DOK5: variants seen among roughly 807,000 people sequenced by gnomAD.
The protein encoded by DOK5 is downstream of tyrosine kinase 5.
DOK5 carries 27 observed loss-of-function variants against 43.3 expected under a neutral mutation model. The observed-to-expected ratio is 0.62, with a 90% CI of 0.46 to 0.86. The LOEUF is 0.86. Among genes scored for constraint, DOK5 ranks in the 40% least tolerant of loss-of-function variants. DOK5 has a pLI of 0.00. For missense variants in DOK5, 373 were observed against 392.9 expected, an observed-to-expected ratio of 0.95 and a Z score of 0.43; for synonymous variants, 146 against 140.1, an observed-to-expected ratio of 1.04 and a Z score of -0.30.
intron 2 of DOK5, among the ~76,000 whole-genome samples, chr20:54,579,902 G>A (rs1985582391): frequency 6.6e-6 from 1 of 151,962 alleles, no homozygotes; most frequent in African/African-American, 2.4e-5. Context: ...CCTACCTTAG[G>A]TATTTCTCCT....
chr20:54,586,007 C>T (rs995344566), intron 2 of DOK5, among the ~76,000 whole-genome samples: 9 of 152,056 alleles, frequency 5.9e-5, no homozygotes, highest in South Asian at 4.2e-4. Context: ...GCCTGTAATT[C>T]CAGCTACTCG....
chr20:54,638,828 G>A (rs1013624002), intron 6 of DOK5, among the ~76,000 whole-genome samples: 72 of 143,984 alleles, frequency 5.0e-4, no homozygotes, highest in Non-Finnish European at 3.6e-4. Flanking sequence ...ATCTCAGCTC[G>A]CTGCCACCAT....
intron 7 of DOK5, among the ~76,000 whole-genome samples, chr20:54,648,518 G>A (rs1036999443): frequency 6.6e-6 from 1 of 152,146 alleles, no homozygotes; most frequent in Non-Finnish European, 1.5e-5. Context: ...TCTAAAAGAG[G>A]CAGCCATACC....
At chr20:54,493,027 C>T (rs1182383775) in intron 1 of DOK5, among the ~76,000 whole-genome samples, 3 of 144,926 alleles carry the variant, frequency 2.1e-5, no homozygotes, top group Non-Finnish European at 3.0e-5. Context: ...TGCACTCCAG[C>T]CTGGGCAACA....
rs375666981 is a variant in DOK5, at chr20:54,616,873, C to T, written c.735+6350C>T. Among the ~76,000 whole-genome samples, 23 of 150,642 alleles carry T rather than the reference C, an allele frequency of 1.5e-4. 1 individual carries two copies. In the South Asian group the frequency reaches 2.1e-3, roughly 14 times the overall value. ...CGCTATCTCGGCTCACTGCACGCTC[C>T]GCCTCCTGAGTTCACCCACCATTCT... On this transcript the variant is annotated intron_variant, in intron 6 of 7. Coordinates refer to ENST00000262593, the MANE Select transcript of DOK5 (RefSeq NM_018431.5).
chr20:54,520,129 C>G (rs998057950), intron 1 of DOK5, among the ~76,000 whole-genome samples: 7 of 152,148 alleles, frequency 4.6e-5, no homozygotes, highest in African/African-American at 1.7e-4. Flanking sequence ...CAGTAGAACA[C>G]TCCTAATCCT....
At chr20:54,641,734 C>G (rs1032658878) in intron 6 of DOK5, among the ~76,000 whole-genome samples, 1 of 152,114 alleles carries the variant, frequency 6.6e-6, no homozygotes, top group African/African-American at 2.4e-5. Flanking sequence ...AGGTCTGTAA[C>G]CCCCTGTGTC....
chr20:54,588,415 C>A, intron 2 of DOK5, 68 bp from the exon 3 acceptor site: 1 of 1,340,400 alleles, frequency 7.5e-7, no homozygotes, highest in Non-Finnish European at 1.1e-6. Flanking sequence ...CCGGGCCTCA[C>A]CTTTGGTGTT....
chr20:54,529,783 G>T (rs1239442960), intron 1 of DOK5, among the ~76,000 whole-genome samples: 1 of 152,078 alleles, frequency 6.6e-6, no homozygotes, highest in Non-Finnish European at 1.5e-5. Context: ...TCATGCATTG[G>T]CTTCTTTTGG....
chr20:54,640,974 C>T (rs776230194), intron 6 of DOK5, among the ~76,000 whole-genome samples: 8 of 151,920 alleles, frequency 5.3e-5, no homozygotes, highest in Non-Finnish European at 1.0e-4. Flanking sequence ...GAGAAGCTGA[C>T]GAGGTGAGGG....
intron 6 of DOK5, among the ~76,000 whole-genome samples, chr20:54,615,673 A>T (rs184126677): frequency 1.1e-3 from 173 of 152,270 alleles, no homozygotes; most frequent in Non-Finnish European, 2.2e-3. Flanking sequence ...ACACTTTGGG[A>T]GGCCGAGGTG....
At chr20:54,626,760 C>T (rs115194179) in intron 6 of DOK5, among the ~76,000 whole-genome samples, 1,590 of 152,232 alleles carry the variant, frequency 0.01, 13 homozygotes, top group Middle Eastern at 0.024. Flanking sequence ...TCACAACACA[C>T]GACTAACCCC....
chr20:54,529,732 C>T (rs539121427), intron 1 of DOK5, among the ~76,000 whole-genome samples: 2 of 152,290 alleles, frequency 1.3e-5, no homozygotes, highest in African/African-American at 4.8e-5. Flanking sequence ...CTCATTTTCC[C>T]TTCCATCAAT....
At chr20:54,538,031 G>A (rs758687409) in intron 1 of DOK5, among the ~76,000 whole-genome samples, 17 of 151,492 alleles carry the variant, frequency 1.1e-4, no homozygotes, top group Non-Finnish European at 2.4e-4. Flanking sequence ...TAGAGACGGG[G>A]TTTCACCATG....
intron 1 of DOK5, among the ~76,000 whole-genome samples, chr20:54,536,308 C>T (rs1008574389): frequency 6.6e-6 from 1 of 152,120 alleles, no homozygotes; most frequent in Admixed American, 6.5e-5. Context: ...ATAATCTTTG[C>T]TTTGTGACTT....
At chr20:54,631,048 A>G (rs1027964826) in intron 6 of DOK5, among the ~76,000 whole-genome samples, 3 of 152,204 alleles carry the variant, frequency 2.0e-5, no homozygotes, top group African/African-American at 7.2e-5. Context: ...GATAGAGCCA[A>G]AGGATGGACT....
At chr20:54,505,465 T>C (rs150192455) in intron 1 of DOK5, among the ~76,000 whole-genome samples, 110 of 152,244 alleles carry the variant, frequency 7.2e-4, no homozygotes, top group African/African-American at 2.5e-3. Context: ...CAAATGTTTA[T>C]GGGCTGCTAT....
intron 6 of DOK5, among the ~76,000 whole-genome samples, chr20:54,637,579 A>C (rs1250152609): frequency 6.6e-6 from 1 of 152,252 alleles, no homozygotes; most frequent in Non-Finnish European, 1.5e-5. Flanking sequence ...AAGTAGTCTT[A>C]TTGCCACGTT....
At chr20:54,595,046 A>C (rs1986094153) in intron 5 of DOK5, among the ~76,000 whole-genome samples, 1 of 152,058 alleles carries the variant, frequency 6.6e-6, no homozygotes, top group Admixed American at 6.6e-5. Context: ...TAATTGTGTT[A>C]ATAGTTTATA....
Sources: gnomAD v4.1 joint callset for allele counts (sites outside exome capture counted in the v4.1 genomes callset) on GRCh38, gnomAD v4.1.1 for gene constraint, MANE v1.5 for transcripts, NCBI Gene and HGNC (gene_info 2026-07-23, HGNC 2026-07-21) for gene names.